FARSB: variants seen among roughly 807,000 people sequenced by gnomAD.
FARSB encodes phenylalanyl-tRNA synthetase subunit beta.
Under a neutral mutation model 69.6 loss-of-function variants are expected in FARSB, and 40 were observed. The ratio of observed to expected loss-of-function variants is 0.57; its 90% confidence interval spans 0.45 to 0.75. FARSB has a LOEUF of 0.75. Ranked by LOEUF, FARSB falls within the 30% of genes least tolerant of loss-of-function variation. The probability of loss-of-function intolerance (pLI) is 0.00; values close to 1 mark genes in which losing one functional copy is unlikely to be tolerated. For missense variants in FARSB, 632 were observed against 722.9 expected, an observed-to-expected ratio of 0.87 and a Z score of 1.44; for synonymous variants, 235 against 247.2, an observed-to-expected ratio of 0.95 and a Z score of 0.46.
chr2:222,610,938 C>T (rs1335875904), intron 15 of FARSB, among the ~76,000 whole-genome samples: 1 of 152,186 alleles, frequency 6.6e-6, no homozygotes, highest in Admixed American at 6.5e-5. Flanking sequence ...CTCTATGGAA[C>T]TGTGGTGCTT....
intron 2 of FARSB, among the ~76,000 whole-genome samples, chr2:222,645,942 G>A (rs562850986): frequency 3.1e-4 from 47 of 152,236 alleles, no homozygotes; most frequent in African/African-American, 9.9e-4. Context: ...GAAATTTTAA[G>A]AGGTTTTGAG....
chr2:222,621,887 T>C (rs1691145756), intron 13 of FARSB, among the ~76,000 whole-genome samples: 1 of 152,290 alleles, frequency 6.6e-6, no homozygotes, highest in Non-Finnish European at 1.5e-5. Context: ...TACAGGAAAA[T>C]TTAGTACAAA....
chr2:222,626,448 A>C (rs898057119), intron 10 of FARSB, among the ~76,000 whole-genome samples: 1 of 152,148 alleles, frequency 6.6e-6, no homozygotes, highest in Non-Finnish European at 1.5e-5. Flanking sequence ...GTTTGAGAAA[A>C]TATGCTATTT....
At chr2:222,592,022 G>C (rs573959788) in intron 16 of FARSB, among the ~76,000 whole-genome samples, 1 of 152,164 alleles carries the variant, frequency 6.6e-6, no homozygotes, top group African/African-American at 2.4e-5. Context: ...ATTCAGTTTA[G>C]AGCTGGATGG....
chr2:222,629,664 T>C (rs183014649), intron 9 of FARSB, among the ~76,000 whole-genome samples: 49 of 152,364 alleles, frequency 3.2e-4, no homozygotes, highest in African/African-American at 1.1e-3. Flanking sequence ...ATCCAATATT[T>C]ATGCGTATGT....
chr2:222,595,800 T>G (rs908438837), intron 16 of FARSB, among the ~76,000 whole-genome samples: 5 of 152,036 alleles, frequency 3.3e-5, no homozygotes, highest in Middle Eastern at 3.2e-3. Flanking sequence ...TACAAAAATG[T>G]GGAGAATTTT....
intron 16 of FARSB, among the ~76,000 whole-genome samples, chr2:222,599,452 C>A (rs1361091094): frequency 6.6e-6 from 1 of 152,228 alleles, no homozygotes; most frequent in African/African-American, 2.4e-5. Flanking sequence ...CCTTGCTCTG[C>A]AAACTTTATG....
chr2:222,606,862 C>T (rs1690715864), intron 15 of FARSB, among the ~76,000 whole-genome samples: 2 of 152,198 alleles, frequency 1.3e-5, no homozygotes, highest in African/African-American at 4.8e-5. Context: ...CTCCTATTCT[C>T]ACATTCACCT....
At chr2:222,612,343 C>G (rs1420448202) in intron 15 of FARSB, among the ~76,000 whole-genome samples, 1 of 152,168 alleles carries the variant, frequency 6.6e-6, no homozygotes, top group Non-Finnish European at 1.5e-5. Context: ...TTTATGCAGC[C>G]CTGGGCAAAT....
intron 16 of FARSB, among the ~76,000 whole-genome samples, chr2:222,591,150 C>G (rs952202974): frequency 1.3e-5 from 2 of 149,458 alleles, no homozygotes; most frequent in Non-Finnish European, 3.0e-5. Context: ...GAGGCTACAG[C>G]GAGCTATGAT....
chr2:222,630,221 C>A (rs777836219), intron 8 of FARSB, 47 bp from the exon 9 acceptor site: 1 of 934,222 alleles, frequency 1.1e-6, no homozygotes, highest in Non-Finnish European at 1.6e-6. Context: ...AATATATTCT[C>A]TTCACTCAGA....
chr2:222,645,387 A>T (rs914449580), intron 2 of FARSB, among the ~76,000 whole-genome samples: 4 of 152,210 alleles, frequency 2.6e-5, no homozygotes, highest in African/African-American at 9.6e-5. Flanking sequence ...CAGAAATCTC[A>T]GCCAATTTCT....
rs560417226 is a variant in FARSB, at chr2:222,651,827, G to A, written c.59-3032C>T. ...TTGAACTCTCAAAATTCTATTAGCA[G>A]TAAGTAGACTGAGAAAACCAACCAG... On this transcript the variant is annotated intron_variant, in intron 1 of 16. Coordinates refer to ENST00000281828, the MANE Select transcript of FARSB (RefSeq NM_005687.5). Among the ~76,000 whole-genome samples the A allele has an allele frequency of 2.6e-5, 4 of 152,318 alleles. No individual in the cohort carries two copies. In the South Asian group the frequency reaches 6.2e-4, roughly 24 times the overall value.
intron 15 of FARSB, 95 bp downstream of exon 15, chr2:222,613,716 A>C (rs1470433804): frequency 1.3e-6 from 1 of 757,442 alleles, no homozygotes; most frequent in Non-Finnish European, 2.2e-6. Flanking sequence ...GGGGCTAATT[A>C]TACTATTTTT....
chr2:222,643,575 C>T (rs1003125551), intron 2 of FARSB, among the ~76,000 whole-genome samples: 2 of 152,006 alleles, frequency 1.3e-5, no homozygotes, highest in Non-Finnish European at 2.9e-5. Flanking sequence ...ATAAAAGAAA[C>T]ACAACTTCTT....
chr2:222,649,276 T>C (rs1413937853), intron 1 of FARSB, among the ~76,000 whole-genome samples: 1 of 146,348 alleles, frequency 6.8e-6, no homozygotes, highest in Non-Finnish European at 1.5e-5. Context: ...CCAAAAAAAT[T>C]TAAGATAAAA....
chr2:222,575,335 T>C (rs1441717103), intron 16 of FARSB, among the ~76,000 whole-genome samples: 7 of 152,258 alleles, frequency 4.6e-5, no homozygotes, highest in African/African-American at 7.2e-5. Flanking sequence ...GCTAACCTTA[T>C]AGCATCAACA....
chr2:222,610,261 T>C (rs1028350766), intron 15 of FARSB, among the ~76,000 whole-genome samples: 4 of 152,230 alleles, frequency 2.6e-5, no homozygotes, highest in Non-Finnish European at 5.9e-5. Context: ...TGAGGAATTT[T>C]CACATCAACT....
chr2:222,647,368 A>G (rs1453209901), intron 2 of FARSB, among the ~76,000 whole-genome samples: 1 of 152,156 alleles, frequency 6.6e-6, no homozygotes, highest in Admixed American at 6.5e-5. Context: ...TTATTTTAGC[A>G]AGGCCTAGCT....
Sources: allele counts gnomAD v4.1 joint callset (sites outside exome capture counted in the v4.1 genomes callset), GRCh38; gene constraint gnomAD v4.1.1; transcripts MANE v1.5; gene names NCBI Gene and HGNC (gene_info 2026-07-23, HGNC 2026-07-21).